Variants in UBE3B observed in about 807,000 individuals in gnomAD.
UBE3B encodes the protein ubiquitin-protein ligase E3B.
Under a neutral mutation model 132.3 loss-of-function variants are expected in UBE3B, and 80 were observed. That is an observed-to-expected ratio of 0.60 (90% confidence interval 0.50 to 0.73). The LOEUF (loss-of-function observed/expected upper bound fraction) is 0.73, where lower values mean the gene tolerates loss of function less well. Ranked by LOEUF, UBE3B falls within the 30% of genes least tolerant of loss-of-function variation. The pLI is 0.00. For synonymous variants in UBE3B, 487 were observed against 520.4 expected (o/e 0.94, Z 0.87); for missense variants, 1,196 against 1,362.5 (o/e 0.88, Z 1.92).
chr12:109,544,242 A>T, the UBE3B span, among the ~76,000 whole-genome samples: 1 of 152,154 alleles, frequency 6.6e-6, no homozygotes, highest in Non-Finnish European at 1.5e-5. Context: ...CAGGCCATGG[A>T]CGGACATTGC....
chr12:109,526,296 C>A, intron 23 of UBE3B, 62 bp from the exon 24 acceptor site: 4 of 1,530,260 alleles, frequency 2.6e-6, no homozygotes, highest in Non-Finnish European at 3.6e-6. Flanking sequence ...CCTCTCATCT[C>A]CGGGAAGCTT....
chr12:109,497,716 C>A (rs368149678), intron 9 of UBE3B, 102 bp from the exon 10 acceptor site: 51 of 1,192,440 alleles, frequency 4.3e-5, no homozygotes, highest in Non-Finnish European at 2.4e-6. Context: ...AGAAATCCCA[C>A]GCAGAATAAT....
intron 24 of UBE3B, among the ~76,000 whole-genome samples, chr12:109,528,849 CA>C (rs753992567): frequency 2.2e-4 from 27 of 123,574 alleles, no homozygotes; most frequent in East Asian, 2.3e-4. Context: ...AACTCCATCT[CA>C]AAAAAAAAAA....
chr12:109,511,582 G>A (rs967158147), intron 18 of UBE3B, among the ~76,000 whole-genome samples: 4 of 152,164 alleles, frequency 2.6e-5, no homozygotes, highest in African/African-American at 9.7e-5. Flanking sequence ...GGGTCCCACG[G>A]GCAAAAGTGG....
At chr12:109,529,552 C>G (rs937851977) in intron 24 of UBE3B, among the ~76,000 whole-genome samples, 1 of 152,060 alleles carries the variant, frequency 6.6e-6, no homozygotes, top group Non-Finnish European at 1.5e-5. Flanking sequence ...CAAAAAGCAC[C>G]CTTTGTACTA....
downstream of UBE3B, among the ~76,000 whole-genome samples, chr12:109,541,355 C>T (rs1351050362): frequency 5.3e-5 from 8 of 152,184 alleles, no homozygotes; most frequent in Non-Finnish European, 1.2e-4. Context: ...GCTCGGATCA[C>T]CACACCCACC....
chr12:109,490,398 G>A (rs530822990), intron 8 of UBE3B: 875 of 1,520,128 alleles, frequency 5.8e-4, no homozygotes, highest in Admixed American at 1.2e-3. Flanking sequence ...TACCTCTAGG[G>A]AATTGTTGAG....
intron 7 of UBE3B, 68 bp from the exon 8 acceptor site, chr12:109,489,849 TTC>T: frequency 7.1e-7 from 1 of 1,412,052 alleles, no homozygotes; most frequent in Non-Finnish European, 1.0e-6. Context: ...GGGACACAAT[TTC>T]CTGTCCCACA....
intron 14 of UBE3B, 101 bp from the exon 15 acceptor site, chr12:109,507,463 C>T (rs957921895): frequency 3.9e-6 from 5 of 1,288,118 alleles, no homozygotes; most frequent in Non-Finnish European, 4.3e-6. Context: ...ATTAAATGTT[C>T]ATGGATAGGT....
chr12:109,499,802 G>C lies in UBE3B; in HGVS notation c.1110G>C (p.Val370=), dbSNP rs2135914771. The C allele has an allele frequency of 6.2e-7, 1 of 1,602,492 alleles. No individual in the cohort carries two copies. Among genetic ancestry groups the C allele is most frequent in the Middle Eastern group, 1.7e-4 (1 of 6,020 alleles). The change falls in exon 12 of 28, where the codon GTG becomes GTC. Residue 370 remains valine (V), a synonymous_variant. Transcript: ENST00000342494. ...TCCTTGGCTGGTTCTCCCAATCTGT[G>C]GATTATGGGTGAGTCCCAGATGCAA... is the stretch of plus-strand genomic sequence containing the variant. ...HPVLGWFSQS[V]DYGLNESMHL... is the part of the protein sequence containing the mutation.
intron 9 of UBE3B, among the ~76,000 whole-genome samples, chr12:109,495,000 T>C (rs1176463501): frequency 2.0e-5 from 3 of 152,252 alleles, no homozygotes; most frequent in African/African-American, 7.2e-5. Flanking sequence ...CAGCTTTCTC[T>C]GTGATTTGCT....
At chr12:109,502,300 C>A (rs1301599256) in intron 13 of UBE3B, among the ~76,000 whole-genome samples, 2 of 152,174 alleles carry the variant, frequency 1.3e-5, no homozygotes, top group African/African-American at 4.8e-5. Flanking sequence ...TATAAAGGAG[C>A]CACTCACTGA....
intron 2 of UBE3B, among the ~76,000 whole-genome samples, chr12:109,481,947 A>G (rs1336820525): frequency 6.6e-6 from 1 of 152,196 alleles, no homozygotes; most frequent in Admixed American, 6.5e-5. Flanking sequence ...GTTTGTTTCA[A>G]GGATTACTGA....
At chr12:109,537,449 T>A (rs561416428), downstream of UBE3B, among the ~76,000 whole-genome samples, 4 of 152,280 alleles carry the variant, frequency 2.6e-5, no homozygotes, top group East Asian at 7.7e-4. Flanking sequence ...GGGAAGCCCC[T>A]GAGGATCAGA....
In UBE3B at chr12:109,503,209, A is replaced by G. The variant is rs772522646; in HGVS notation, c.1450+19A>G. ...CTCACAGGTTCGCAGTCCCCAGGGC[A>G]TCTTCTTCACCTCTCACATTTGGCA... is the stretch of plus-strand genomic sequence containing the variant. On this transcript the variant is annotated intron_variant, in intron 14 of 27. Transcript: ENST00000342494. The G allele has an allele frequency of 6.8e-6, 11 of 1,607,666 alleles. No individual in the cohort carries two copies. The highest frequency in any genetic ancestry group is 2.2e-5 in the South Asian group (2 of 90,620).
intron 15 of UBE3B, chr12:109,508,916 A>G (rs1473999170): frequency 4.6e-6 from 1 of 219,430 alleles, no homozygotes; most frequent in African/African-American, 2.3e-5. Flanking sequence ...AGCTTTCCTC[A>G]GTAAACATCG....
intron 1 of UBE3B, among the ~76,000 whole-genome samples, chr12:109,480,525 C>A (rs767161329): frequency 6.6e-6 from 1 of 152,018 alleles, no homozygotes; most frequent in Non-Finnish European, 1.5e-5. Context: ...GTGGTATGTA[C>A]CTGTGGTCCC....
At chr12:109,482,355 A>G (rs1169360491) in intron 2 of UBE3B, among the ~76,000 whole-genome samples, 2 of 152,078 alleles carry the variant, frequency 1.3e-5, no homozygotes, top group Non-Finnish European at 2.9e-5. Context: ...TGGAGTCTCC[A>G]TTATCTTATT....
At chr12:109,490,412 G>A (rs1877265161) in intron 8 of UBE3B, 2 of 1,526,378 alleles carry the variant, frequency 1.3e-6, no homozygotes, top group East Asian at 4.9e-5. Context: ...TGTTGAGAAA[G>A]CCTGATTGCT....
Sources: allele counts gnomAD v4.1 joint callset (sites outside exome capture counted in the v4.1 genomes callset), GRCh38; gene constraint gnomAD v4.1.1; transcripts MANE v1.5; gene names NCBI Gene and HGNC (gene_info 2026-07-23, HGNC 2026-07-21).